The following ZZEF1 variants were observed in gnomAD, a reference collection of about 807,000 sequenced individuals.
The protein encoded by ZZEF1 is zinc finger ZZ-type and EF-hand domain containing 1.
A neutral mutation model predicts 342.8 loss-of-function variants in ZZEF1; 157 were observed. The observed-to-expected ratio is 0.46, with a 90% CI of 0.40 to 0.52. The LOEUF is 0.52. Ranked by LOEUF, ZZEF1 falls within the 20% of genes least tolerant of loss-of-function variation. The probability of loss-of-function intolerance (pLI) is 0.00; values close to 1 mark genes in which losing one functional copy is unlikely to be tolerated. For synonymous variants in ZZEF1, 1,505 were observed against 1,429.1 expected (o/e 1.05, Z -1.20); for missense variants, 3,480 against 3,725.6 (o/e 0.93, Z 1.72).
chr17:4,047,563 A>G (rs531295334), intron 37 of ZZEF1, among the ~76,000 whole-genome samples: 5 of 152,278 alleles, frequency 3.3e-5, no homozygotes, highest in African/African-American at 7.2e-5. Context: ...GGATCGTTGG[A>G]GCCCAGGAGG....
intron 2 of ZZEF1, among the ~76,000 whole-genome samples, chr17:4,121,610 A>G (rs2058484227): frequency 6.6e-6 from 1 of 152,174 alleles, no homozygotes; most frequent in Non-Finnish European, 1.5e-5. Flanking sequence ...GTGACAGAGC[A>G]AGACTCTGTC....
At chr17:4,115,040 T>C (rs1270554355) in intron 3 of ZZEF1, among the ~76,000 whole-genome samples, 1 of 152,144 alleles carries the variant, frequency 6.6e-6, no homozygotes, top group East Asian at 1.9e-4. Flanking sequence ...TTGAGATTTT[T>C]TTGAGAGGGT....
At chr17:4,112,038 ATAT>A (rs2058313621) in intron 5 of ZZEF1, among the ~76,000 whole-genome samples, 4 of 4,526 alleles carry the variant, frequency 8.8e-4, no homozygotes, top group African/African-American at 4.8e-3. Context: ...GTCTAAATAT[ATAT>A]ATATATATAT....
Position 4,087,486 on chromosome 17 carries a change from C to T in ZZEF1, c.2290G>A (p.Ala764Thr), listed in dbSNP as rs764501492. 1.6e-5 allele frequency: 25 copies of T among 1,611,230 alleles called. No homozygotes were observed. The highest frequency in any genetic ancestry group is 5.6e-5 in the South Asian group (5 of 89,796). The change falls in exon 14 of 55, where the codon GCG becomes ACG. Residue 764 changes from alanine (A) to threonine (T), a missense_variant. Coordinates refer to ENST00000381638, the MANE Select transcript of ZZEF1 (RefSeq NM_015113.4). Reference sequence around the variant, plus strand: ...CAGAAGATCTGCAAATCAAGACCCGCGAAGTCCAGAAAAGATTTATATTTT... The same window carrying T: ...CAGAAGATCTGCAAATCAAGACCCGTGAAGTCCAGAAAAGATTTATATTTT... ...GLKYKSFLDFAGLDLQIFWNF... is the reference protein window; with the variant it reads ...GLKYKSFLDFTGLDLQIFWNF...
chr17:4,074,357 G>C lies in ZZEF1; in HGVS notation c.3484-6C>G, dbSNP rs747138906. 1.9e-6 allele frequency: 3 copies of C among 1,614,104 alleles called. No homozygotes were observed. In the South Asian group the frequency reaches 3.3e-5, roughly 18 times the overall value. On this transcript the variant is annotated splice_polypyrimidine_tract_variant and splice_region_variant and intron_variant, in intron 23 of 54. Transcript: ENST00000381638. ...CCGGCCTTGAAGGTCACTTTCTAGA[G>C]ACAAACAGAAATCATGTGGTCAGAC... is the stretch of plus-strand genomic sequence containing the variant.
intron 52 of ZZEF1, among the ~76,000 whole-genome samples, chr17:4,012,674 G>T (rs1332797011): frequency 6.6e-6 from 1 of 152,170 alleles, no homozygotes; most frequent in Non-Finnish European, 1.5e-5. Flanking sequence ...CAAAAGGCAA[G>T]AACAGTGTCT....
chr17:4,024,908 C>T lies in ZZEF1; in HGVS notation c.7092+11G>A, dbSNP rs762387792. 1.2e-6 allele frequency: 2 copies of T among 1,613,862 alleles called. No homozygotes were observed. The highest frequency in any genetic ancestry group is 8.5e-7 in the Non-Finnish European group (1 of 1,179,702). ...CCAGATCCACTGCCAACTGGAGAAGCTCCCCATTACCTTTAGTGTTTTATA... is the reference window on the plus strand; with the variant it reads ...CCAGATCCACTGCCAACTGGAGAAGTTCCCCATTACCTTTAGTGTTTTATA... On this transcript the variant is annotated intron_variant, in intron 43 of 54. Coordinates refer to ENST00000381638, the MANE Select transcript of ZZEF1 (RefSeq NM_015113.4).
intron 30 of ZZEF1, among the ~76,000 whole-genome samples, chr17:4,060,344 CAATT>C (rs2057257269): frequency 6.6e-6 from 1 of 152,144 alleles, no homozygotes; most frequent in South Asian, 2.1e-4. Context: ...CCGGGCGGAT[CAATT>C]GAGGTCAGGA....
chr17:4,104,905 T>A, intron 7 of ZZEF1, 94 bp from the exon 8 acceptor site: 1 of 1,018,496 alleles, frequency 9.8e-7, no homozygotes, highest in Non-Finnish European at 1.4e-6. Flanking sequence ...CAAGTAACAT[T>A]AACCTGCCAT....
intron 43 of ZZEF1, among the ~76,000 whole-genome samples, chr17:4,023,146 C>T (rs2056313846): frequency 6.6e-6 from 1 of 152,228 alleles, no homozygotes; most frequent in African/African-American, 2.4e-5. Flanking sequence ...GACCACCACG[C>T]TTGTTCCATT....
rs16953687 is a variant in ZZEF1, at chr17:4,076,918, T to C, written c.3061A>G (p.Ile1021Val). 1.6e-3 allele frequency: 2,570 copies of C among 1,614,192 alleles called. 32 individuals are homozygous for C. In the African/African-American group the frequency reaches 0.03, roughly 19 times the overall value. The part of the protein sequence containing the change: ...SLFSQYSGKT[I>V]VERLCNSVFS... ...ACTGAGTTACATAATCTTTCTACTA[T>C]GGTTTTTCCACTGTACTGTGAGAAA... is the stretch of plus-strand genomic sequence containing the variant. Residue 1021 changes from isoleucine (I) to valine (V), a missense_variant, in exon 20 of 55, where the codon ATA (isoleucine) becomes GTA (valine). Ile to Val is a conservative substitution (Grantham distance 29). Transcript: ENST00000381638.
At chr17:4,049,648 G>C in intron 37 of ZZEF1, 60 bp downstream of exon 37, 3 of 1,602,620 alleles carry the variant, frequency 1.9e-6, no homozygotes, top group South Asian at 1.1e-5. Context: ...GCTGCACTGA[G>C]TGAATGGCTC....
At position 4,142,666 on chromosome 17, in the gene ZZEF1, C is replaced by A. The variant is rs2058883160; in HGVS notation, c.230G>T (p.Arg77Leu). 3 of 1,607,478 alleles carry A rather than the reference C, an allele frequency of 1.9e-6. No individual in the cohort carries two copies. In the East Asian group the frequency reaches 6.7e-5, roughly 36 times the overall value. The change falls in exon 1 of 55, where the codon CGC becomes CTC. Residue 77 changes from arginine to leucine, a missense_variant. This residue lies in a region of ZZEF1 where 416 missense variants were observed against 374.2 expected (regional missense o/e 1.11). Coordinates refer to ENST00000381638, the MANE Select transcript of ZZEF1 (RefSeq NM_015113.4). ...PPCESLVSRH[R>L]GALFRWLEER... Reference sequence around the variant, plus strand: ...TTCCAGCCAGCGAAACAACGCGCCGCGATGCCTCGACACCAGCGACTCGCA... The same window carrying A: ...TTCCAGCCAGCGAAACAACGCGCCGAGATGCCTCGACACCAGCGACTCGCA...
Position 4,022,849 on chromosome 17 carries a change from G to C in ZZEF1, c.7093-21C>G, listed in dbSNP as rs183392671. 6 of 1,612,768 alleles carry C rather than the reference G, an allele frequency of 3.7e-6. No homozygotes were observed. In the Admixed American group the frequency reaches 6.7e-5, roughly 18 times the overall value. On this transcript the variant is annotated intron_variant, in intron 43 of 54. Coordinates refer to ENST00000381638, the MANE Select transcript of ZZEF1 (RefSeq NM_015113.4). ...TGAGCCTGCCAAGCAGAAGAAGAAT[G>C]ATGTGTGACTGCCTTGGAGTGAAGA...
Position 4,095,947 on chromosome 17 carries a change from C to G in ZZEF1, c.1797G>C (p.Gly599=). The G allele has an allele frequency of 6.2e-7, 1 of 1,612,840 alleles. No individual in the cohort carries two copies. The highest frequency in any genetic ancestry group is 8.5e-7 in the Non-Finnish European group (1 of 1,179,122). The change falls in exon 11 of 55, where the codon GGG becomes GGC. Residue 599 remains glycine (G), a synonymous_variant. Coordinates refer to ENST00000381638, the MANE Select transcript of ZZEF1 (RefSeq NM_015113.4). ...VRRGGIGAQC[G]LVFAYNSSSD... is the part of the protein sequence containing the mutation. ...AAGATGAGTTATAGGCAAACACCAA[C>G]CCACACTGGGCACCAATGCCACCAC... is the stretch of plus-strand genomic sequence containing the variant.
At chr17:4,120,251 G>A (rs2058461651) in intron 2 of ZZEF1, among the ~76,000 whole-genome samples, 1 of 152,076 alleles carries the variant, frequency 6.6e-6, no homozygotes, top group Non-Finnish European at 1.5e-5. Flanking sequence ...CAGCTACTCG[G>A]GAGGCTGAGG....
rs1567753237 is a variant in ZZEF1 at position 4,006,809 on chromosome 17, G to A, written c.*81C>T. 4 of 1,447,628 alleles carry A rather than the reference G, an allele frequency of 2.8e-6. No individual in the cohort carries two copies. The East Asian group carries it at 9.9e-5, about 36-fold the overall frequency. The allele number at this position is 1,447,628 out of a possible 1,614,324, so 89.7% of individuals were successfully genotyped here. ...GGAGAGCTGGGCACTGGCGCTACAG[G>A]AGTTTTCCTGAATGAGGTTAGATGT... On this transcript the variant is annotated 3_prime_UTR_variant, in exon 55 of 55. Transcript: ENST00000381638.
At chr17:4,057,787 C>G (rs538934798) in intron 32 of ZZEF1, among the ~76,000 whole-genome samples, 2 of 152,230 alleles carry the variant, frequency 1.3e-5, no homozygotes, top group South Asian at 4.2e-4. Context: ...GAGGCAGCAC[C>G]ATTGTTATCT....
chr17:4,096,767 C>T, intron 9 of ZZEF1, 67 bp from the exon 10 acceptor site: 5 of 1,257,654 alleles, frequency 4.0e-6, no homozygotes, highest in Non-Finnish European at 5.8e-6. Flanking sequence ...CTAAGATCAA[C>T]AAAAACAAAC....
Sources: allele counts gnomAD v4.1 joint callset (sites outside exome capture counted in the v4.1 genomes callset), GRCh38; gene constraint gnomAD v4.1.1; regional missense constraint gnomAD v4.1.1; transcripts MANE v1.5; gene names NCBI Gene and HGNC (gene_info 2026-07-23, HGNC 2026-07-21).